Variants in LRP1B observed in about 807,000 individuals in gnomAD.
The protein encoded by LRP1B is LDL receptor related protein 1B, also known as low-density lipoprotein receptor-related protein 1B.
Under a neutral mutation model 556.6 loss-of-function variants are expected in LRP1B, and 217 were observed. That is an observed-to-expected ratio of 0.39 (90% CI 0.35 to 0.44). LRP1B has a LOEUF of 0.44. Among genes scored for constraint, LRP1B ranks in the 20% least tolerant of loss-of-function variants. The pLI is 1.00. For synonymous variants in LRP1B, 2,047 were observed against 1,865.8 expected (o/e 1.10, Z -2.50); for missense variants, 5,053 against 5,620.8 (o/e 0.90, Z 3.23).
intron 2 of LRP1B, among the ~76,000 whole-genome samples, chr2:141,495,593 A>G (rs1182531418): frequency 6.6e-6 from 1 of 152,102 alleles, no homozygotes; most frequent in Non-Finnish European, 1.5e-5. Context: ...TTTAAGTTTA[A>G]TGTTTATTTT....
intron 77 of LRP1B, among the ~76,000 whole-genome samples, chr2:140,345,119 A>G (rs1681585402): frequency 6.6e-6 from 1 of 151,690 alleles, no homozygotes; most frequent in East Asian, 1.9e-4. Context: ...TATCCATTGT[A>G]GTGTGTTAAG....
At chr2:141,901,222 A>C (rs1699610251) in intron 1 of LRP1B, among the ~76,000 whole-genome samples, 1 of 151,984 alleles carries the variant, frequency 6.6e-6, no homozygotes, top group Admixed American at 6.6e-5. Context: ...TTCTACCAAC[A>C]CATAGGCAGA....
intron 27 of LRP1B, among the ~76,000 whole-genome samples, chr2:140,856,723 G>A (rs1232990294): frequency 1.3e-5 from 2 of 149,892 alleles, no homozygotes; most frequent in Non-Finnish European, 1.5e-5. Flanking sequence ...ATACGCTGGC[G>A]GGAACTAAGA....
intron 1 of LRP1B, among the ~76,000 whole-genome samples, chr2:141,866,437 T>A (rs1483525651): frequency 6.6e-6 from 1 of 152,196 alleles, no homozygotes; most frequent in African/African-American, 2.4e-5. Context: ...GATGTATCAG[T>A]TAATGTCAAT....
intron 15 of LRP1B, among the ~76,000 whole-genome samples, chr2:141,001,009 A>G (rs529757858): frequency 1.3e-5 from 2 of 152,194 alleles, no homozygotes; most frequent in South Asian, 4.1e-4. Flanking sequence ...TTGAAGGCCA[A>G]TGATCCACTA....
At chr2:141,221,117 AAAAAG>A (rs1265581582) in intron 6 of LRP1B, among the ~76,000 whole-genome samples, 6 of 152,198 alleles carry the variant, frequency 3.9e-5, no homozygotes, top group Non-Finnish European at 7.3e-5. Context: ...CAAGCTGGAT[AAAAAG>A]AAAAGACCCA....
chr2:142,065,000 A>AT (rs59572617), intron 1 of LRP1B, among the ~76,000 whole-genome samples: 32,377 of 149,330 alleles, frequency 0.22, 3,759 homozygotes, highest in South Asian at 0.45. Flanking sequence ...AATTAAACAA[A>AT]ATAATAATTC....
chr2:141,649,459 T>G (rs1689704132), intron 2 of LRP1B, among the ~76,000 whole-genome samples: 1 of 152,168 alleles, frequency 6.6e-6, no homozygotes, highest in African/African-American at 2.4e-5. Flanking sequence ...TGCTTAAACT[T>G]TATTAAGAAA....
intron 1 of LRP1B, among the ~76,000 whole-genome samples, chr2:141,975,091 C>T (rs957585074): frequency 2.0e-5 from 3 of 151,938 alleles, no homozygotes; most frequent in Non-Finnish European, 4.4e-5. Context: ...TGCTATACTC[C>T]TCCACTTATC....
intron 39 of LRP1B, 145 bp from the exon 40 acceptor site, chr2:140,701,990 T>G: frequency 7.0e-6 from 9 of 1,293,948 alleles, no homozygotes; most frequent in Non-Finnish European, 9.7e-6. Context: ...CAGCTTGGAA[T>G]AGCAAGAGTA....
At chr2:141,340,666 GA>G (rs1688025103) in intron 3 of LRP1B, among the ~76,000 whole-genome samples, 2 of 152,084 alleles carry the variant, frequency 1.3e-5, no homozygotes, top group Admixed American at 1.3e-4. Context: ...TTTTATTGCT[GA>G]CCCACCAAAG....
At chr2:141,008,154 T>C (rs1053672612) in intron 14 of LRP1B, among the ~76,000 whole-genome samples, 2 of 151,360 alleles carry the variant, frequency 1.3e-5, no homozygotes, top group Non-Finnish European at 3.0e-5. Context: ...ACAAATATGG[T>C]GCTAAAAATT....
chr2:140,335,174 TTG>T (rs377277077), intron 78 of LRP1B, among the ~76,000 whole-genome samples: 12 of 143,596 alleles, frequency 8.4e-5, no homozygotes, highest in South Asian at 4.4e-4. Flanking sequence ...CTCTTTAAAT[TTG>T]TGTGTGTGTG....
At chr2:140,377,002 G>T (rs1683261741) in intron 68 of LRP1B, among the ~76,000 whole-genome samples, 1 of 152,140 alleles carries the variant, frequency 6.6e-6, no homozygotes, top group Non-Finnish European at 1.5e-5. Flanking sequence ...GAGTACATAT[G>T]CTTCTCAACC....
intron 35 of LRP1B, among the ~76,000 whole-genome samples, chr2:140,736,183 G>A (rs1485569352): frequency 6.6e-6 from 1 of 152,074 alleles, no homozygotes; most frequent in Non-Finnish European, 1.5e-5. Context: ...TATATTATGT[G>A]AGAAAGGAAA....
intron 3 of LRP1B, among the ~76,000 whole-genome samples, chr2:141,426,178 A>G (rs1461905872): frequency 1.3e-5 from 2 of 151,938 alleles, no homozygotes; most frequent in East Asian, 3.9e-4. Flanking sequence ...TAAATAGGTA[A>G]TCCTTTCCTC....
intron 1 of LRP1B, among the ~76,000 whole-genome samples, chr2:141,894,468 TTTAA>T (rs1456518106): frequency 1.3e-5 from 2 of 152,098 alleles, no homozygotes; most frequent in Non-Finnish European, 2.9e-5. Flanking sequence ...TATTGCTTTA[TTTAA>T]TTGTCACAAA....
At chr2:141,484,104 A>T (rs1170920160) in intron 2 of LRP1B, among the ~76,000 whole-genome samples, 1 of 151,812 alleles carries the variant, frequency 6.6e-6, no homozygotes, top group Non-Finnish European at 1.5e-5. Context: ...TAGGTCTATC[A>T]TTAAGTCTTT....
chr2:141,755,786 A>C (rs1296848526), intron 2 of LRP1B, among the ~76,000 whole-genome samples: 1 of 152,008 alleles, frequency 6.6e-6, no homozygotes, highest in Non-Finnish European at 1.5e-5. Context: ...CTGGCTGAAT[A>C]ACCCCTACTC....
Sources: gnomAD v4.1 joint callset for allele counts (sites outside exome capture counted in the v4.1 genomes callset) on GRCh38, gnomAD v4.1.1 for gene constraint, MANE v1.5 for transcripts, NCBI Gene and HGNC (gene_info 2026-07-23, HGNC 2026-07-21) for gene names.